GREB1: variants seen among roughly 807,000 people sequenced by gnomAD.
GREB1 encodes the protein growth regulating estrogen receptor binding 1, also known as protein GREB1.
Under a neutral mutation model 200.7 loss-of-function variants are expected in GREB1, and 106 were observed. The observed-to-expected ratio is 0.53, with a 90% CI of 0.45 to 0.62. GREB1 has a LOEUF of 0.62. Ranked by LOEUF, GREB1 falls within the 20% of genes least tolerant of loss-of-function variation. The probability of loss-of-function intolerance (pLI) is 0.00; values close to 1 mark genes in which losing one functional copy is unlikely to be tolerated. For synonymous variants in GREB1, 1,132 were observed against 1,092.4 expected (o/e 1.04, Z -0.72); for missense variants, 2,243 against 2,556.8 (o/e 0.88, Z 2.65).
chr2:11,618,734 C>A lies in GREB1; in HGVS notation c.3859C>A (p.Pro1287Thr), dbSNP rs1459858496. 6.2e-7 allele frequency: 1 copy of A among 1,613,486 alleles called. No homozygotes were observed. Among genetic ancestry groups the A allele is most frequent in the South Asian group, 1.1e-5 (1 of 91,024 alleles). The change falls in exon 22 of 33, where the codon CCC becomes ACC. Residue 1287 changes from proline to threonine, a missense_variant. Pro to Thr is a conservative substitution (Grantham distance 38, BLOSUM62 -1). Around this residue, in one of 3 missense-constraint regions of GREB1, gnomAD observed 587 missense variants for 553.1 expected, o/e 1.06. Coordinates refer to ENST00000381486, the MANE Select transcript of GREB1 (RefSeq NM_014668.4). ...LPKAASLLPS[P>T]SVMWASSFRP... The stretch of plus-strand genomic sequence containing the variant: ...CAAGGCCGCCTCCCTCCTGCCCTCC[C>A]CCTCGGTCATGTGGGCCAGCTCTTT...
rs1034859088 is a variant in GREB1, at chr2:11,537,573, A to G, written c.-162+3319A>G. On this transcript the variant is annotated intron_variant, in intron 1 of 32. Transcript: ENST00000381486. ...CAGAGCCCATCATCTTAAAAACTCTACTGCTTAAACTCTCTTCCCTTCTCT... is the reference window on the plus strand; with the variant it reads ...CAGAGCCCATCATCTTAAAAACTCTGCTGCTTAAACTCTCTTCCCTTCTCT... Among the ~76,000 whole-genome samples the G allele has an allele frequency of 1.1e-4, 16 of 150,636 alleles. No homozygotes were observed. The South Asian group carries it at 3.3e-3, about 31-fold the overall frequency.
chr2:11,638,379 G>A (rs1685550870), intron 31 of GREB1, among the ~76,000 whole-genome samples: 1 of 152,144 alleles, frequency 6.6e-6, no homozygotes, highest in South Asian at 2.1e-4. Flanking sequence ...GACCTCAGGG[G>A]ATCCACCCGC....
intron 23 of GREB1, among the ~76,000 whole-genome samples, chr2:11,622,068 G>A (rs943491611): frequency 5.3e-5 from 8 of 151,994 alleles, no homozygotes; most frequent in African/African-American, 1.9e-4. Context: ...GATTAAATGT[G>A]ACACACACAG....
intron 1 of GREB1, among the ~76,000 whole-genome samples, chr2:11,486,389 C>G (rs557585600): frequency 6.6e-6 from 1 of 152,262 alleles, no homozygotes; most frequent in Admixed American, 6.5e-5. Context: ...GTCCTGACCT[C>G]AAGTAATCCT....
In GREB1 at chr2:11,580,714, T is replaced by G. The variant is rs1679381492; in HGVS notation, c.783T>G (p.Ser261=). The G allele has an allele frequency of 6.2e-7, 1 of 1,611,058 alleles. No homozygotes were observed. Among genetic ancestry groups the G allele is most frequent in the Non-Finnish European group, 8.5e-7 (1 of 1,177,676 alleles). Residue 261 remains serine (S), a synonymous_variant, in exon 7 of 33, where the codon TCT becomes TCG. Coordinates refer to ENST00000381486, the MANE Select transcript of GREB1 (RefSeq NM_014668.4). This position sits in a 1 kb window ranked among gnomAD's most constrained non-coding sequence, Gnocchi z 4.5. ...LMGAQQAGPA[S]DHPSLNAAMG... is the part of the protein sequence containing the mutation. ...TCTATCTGTTTTCAGGACCAGCTTCTGATCACCCCTCACTAAACGCAGCAA... is the reference window on the plus strand; with the variant it reads ...TCTATCTGTTTTCAGGACCAGCTTCGGATCACCCCTCACTAAACGCAGCAA...
In GREB1 at chr2:11,493,376, A is replaced by T. The variant is rs1264659564; in HGVS notation, c.-159+10995A>T. 6.6e-6 allele frequency among the ~76,000 whole-genome samples: 1 copy of T among 152,134 alleles called. No individual in the cohort carries two copies. Among genetic ancestry groups the T allele is most frequent in the Non-Finnish European group, 1.5e-5 (1 of 68,028 alleles). ...ATTAGATTCTCATAAGGAGCGTGCA[A>T]CCTGGATCCCTTGTAGGCGCAGTTC... is the stretch of plus-strand genomic sequence containing the variant. On this transcript the variant is annotated intron_variant, in intron 1 of 2. Coordinates refer to the GREB1 transcript ENST00000628795. The surrounding 1 kb of genome is among the most constrained non-coding windows in gnomAD (Gnocchi z 4.6).
In GREB1 at chr2:11,618,518, G is replaced by C; in HGVS notation, c.3643G>C (p.Val1215Leu). ...CGGCCAGAGGAGCGTCCAGGTGTCG[G>C]TCACCTCGTCGTGCTCCCAGCTGTC... The part of the protein sequence containing the change: ...RTGQRSVQVS[V>L]TSSCSQLSSS... Residue 1215 changes from valine (V) to leucine (L), a missense_variant, in exon 22 of 33, where the codon GTC becomes CTC. By Grantham distance (32) the Val-to-Leu change is conservative. Coordinates refer to ENST00000381486, the MANE Select transcript of GREB1 (RefSeq NM_014668.4). The C allele has an allele frequency of 6.2e-7, 1 of 1,611,974 alleles. No individual in the cohort carries two copies. Among genetic ancestry groups the C allele is most frequent in the Admixed American group, 1.7e-5 (1 of 59,908 alleles).
At chr2:11,551,099 G>A (rs1278899016) in intron 1 of GREB1, among the ~76,000 whole-genome samples, 1 of 152,204 alleles carries the variant, frequency 6.6e-6, no homozygotes, top group Non-Finnish European at 1.5e-5. Flanking sequence ...CTAGCTCACT[G>A]TTGCCACTTC....
At chr2:11,611,506 A>G (rs3762576) in intron 18 of GREB1, among the ~76,000 whole-genome samples, 82,535 of 151,958 alleles carry the variant, frequency 0.54, 25,556 homozygotes, top group Non-Finnish European at 0.7. Flanking sequence ...AATTTTCTCC[A>G]TGTTGCCCCG....
intron 10 of GREB1, chr2:11,592,012 A>C (rs1165654636): frequency 8.1e-6 from 8 of 983,700 alleles, no homozygotes; most frequent in Non-Finnish European, 9.7e-6. Context: ...CCTGTCCTGG[A>C]GTAGGAGAAA....
chr2:11,532,202 C>T (rs1674097579), upstream of GREB1, among the ~76,000 whole-genome samples: 1 of 152,140 alleles, frequency 6.6e-6, no homozygotes, highest in Admixed American at 6.5e-5. Flanking sequence ...TGAAAATCAA[C>T]CCGCGTATAG....
At chr2:11,607,730 A>G (rs1184164828) in intron 17 of GREB1, among the ~76,000 whole-genome samples, 2 of 151,952 alleles carry the variant, frequency 1.3e-5, no homozygotes, top group East Asian at 3.9e-4. Flanking sequence ...GTACATACAC[A>G]TTGATGATAC....
At chr2:11,505,533 T>G (rs955809705) in intron 1 of GREB1, among the ~76,000 whole-genome samples, 1 of 152,094 alleles carries the variant, frequency 6.6e-6, no homozygotes, top group African/African-American at 2.4e-5. Context: ...AATAAATCAT[T>G]AAATTATAAA....
At chr2:11,517,843 C>T (rs778338515) in intron 1 of GREB1, among the ~76,000 whole-genome samples, 13 of 152,128 alleles carry the variant, frequency 8.5e-5, no homozygotes, top group Non-Finnish European at 1.5e-4. Flanking sequence ...TTAGTAGAGA[C>T]GGGGTTTCAC....
chr2:11,637,993 C>T (rs1004764531), intron 31 of GREB1, 77 bp downstream of exon 31: 2 of 1,273,904 alleles, frequency 1.6e-6, no homozygotes, highest in Middle Eastern at 1.9e-4. Flanking sequence ...ATCTGGGACT[C>T]TGAATCCTAA....
chr2:11,523,582 C>T (rs1673775735), intron 1 of GREB1, among the ~76,000 whole-genome samples: 1 of 152,134 alleles, frequency 6.6e-6, no homozygotes. Flanking sequence ...CAGAGATCTG[C>T]AGAGCTCTTA....
chr2:11,564,039 G>A (rs1440822804), intron 3 of GREB1, among the ~76,000 whole-genome samples: 1 of 152,176 alleles, frequency 6.6e-6, no homozygotes, highest in Admixed American at 6.5e-5. Flanking sequence ...AGGAGACTGT[G>A]GAGGGGTTGG....
chr2:11,578,148 C>T (rs892886880), intron 5 of GREB1, 149 bp from the exon 6 acceptor site: 12 of 865,446 alleles, frequency 1.4e-5, no homozygotes, highest in South Asian at 7.1e-5. Context: ...CCTGGCTTCA[C>T]GCTGAAACAA....
At chr2:11,624,311 A>G (rs1314059546) in intron 23 of GREB1, among the ~76,000 whole-genome samples, 2 of 135,814 alleles carry the variant, frequency 1.5e-5, no homozygotes, top group Non-Finnish European at 1.6e-5. Flanking sequence ...TATTTCCCCC[A>G]TGCCTTTTCT....
Sources: gnomAD v4.1 joint callset for allele counts (sites outside exome capture counted in the v4.1 genomes callset) on GRCh38, gnomAD v4.1.1 for gene constraint, gnomAD v4.1.1 regional missense constraint, Gnocchi (gnomAD v3.1) non-coding constraint, MANE v1.5 for transcripts, NCBI Gene and HGNC (gene_info 2026-07-23, HGNC 2026-07-21) for gene names.